PHLPP2: variants seen among roughly 807,000 people sequenced by gnomAD.
PHLPP2 encodes PH domain leucine-rich repeat-containing protein phosphatase 2.
In PHLPP2, 66 loss-of-function variants were observed where a neutral mutation model predicts 124.9. The observed-to-expected ratio is 0.53, with a 90% CI of 0.43 to 0.65. The LOEUF is 0.65. Among genes scored for constraint, PHLPP2 ranks in the 30% least tolerant of loss-of-function variants. PHLPP2 has a pLI of 0.00. For missense variants in PHLPP2, 1,685 were observed against 1,600.4 expected, an observed-to-expected ratio of 1.05 and a Z score of -0.90; for synonymous variants, 681 against 624.7, an observed-to-expected ratio of 1.09 and a Z score of -1.34.
At chr16:71,665,862 T>G (rs1456433695) in intron 12 of PHLPP2, among the ~76,000 whole-genome samples, 1 of 152,176 alleles carries the variant, frequency 6.6e-6, no homozygotes, top group African/African-American at 2.4e-5. Flanking sequence ...TTTAAATACG[T>G]TTTAGAATTT....
At chr16:71,658,200 C>G in intron 15 of PHLPP2, 33 bp downstream of exon 15, 1 of 1,599,824 alleles carries the variant, frequency 6.3e-7, no homozygotes, top group Non-Finnish European at 8.6e-7. Context: ...GGGCTAAGAG[C>G]ACATAGAGAT....
chr16:71,698,204 C>T (rs1457829668), intron 3 of PHLPP2, among the ~76,000 whole-genome samples: 8 of 152,148 alleles, frequency 5.3e-5, no homozygotes, highest in Non-Finnish European at 1.2e-4. Context: ...GAAGCCCTCA[C>T]AAGAGCAGGG....
intron 3 of PHLPP2, among the ~76,000 whole-genome samples, chr16:71,697,420 G>A (rs1353807418): frequency 1.3e-5 from 2 of 151,978 alleles, no homozygotes; most frequent in Non-Finnish European, 1.5e-5. Context: ...ACACCTAACC[G>A]CAAGAAAGGC....
chr16:71,645,129 G>A lies in PHLPP2; in HGVS notation c.*3761C>T, dbSNP rs1340199271. On this transcript the variant is annotated 3_prime_UTR_variant, in exon 19 of 19. Coordinates refer to ENST00000568954, the MANE Select transcript of PHLPP2 (RefSeq NM_015020.3). ...ATGATTGCACAAAACCGTAAGATAT[G>A]AGCCCACTGTCTGGATGACATCCAC... 9.8e-6 allele frequency: 2 copies of A among 203,956 alleles called. No homozygotes were observed. The highest frequency in any genetic ancestry group is 2.0e-5 in the Non-Finnish European group (2 of 99,866). The allele number at this position is 203,956 out of a possible 1,614,324, so 12.6% of individuals were successfully genotyped here. A position where few individuals can be genotyped will look rare whatever the true frequency, so the allele number is the denominator to read the frequency against.
At chr16:71,652,373 C>G (rs2044702922) in intron 18 of PHLPP2, among the ~76,000 whole-genome samples, 1 of 152,168 alleles carries the variant, frequency 6.6e-6, no homozygotes, top group South Asian at 2.1e-4. Flanking sequence ...CAAAAGAGAA[C>G]ACCAGAGCAT....
intron 2 of PHLPP2, among the ~76,000 whole-genome samples, chr16:71,712,198 T>A (rs949146377): frequency 2.0e-5 from 3 of 152,258 alleles, no homozygotes; most frequent in South Asian, 2.1e-4. Flanking sequence ...TCTACCATCA[T>A]CATCATCCTT....
At chr16:71,718,254 T>C (rs12446333) in intron 1 of PHLPP2, among the ~76,000 whole-genome samples, 14,447 of 152,178 alleles carry the variant, frequency 0.095, 960 homozygotes, top group Middle Eastern at 0.19. Context: ...TTACCTTAGA[T>C]TATAAATTCC....
chr16:71,663,390 C>T (rs1390714715), intron 13 of PHLPP2, among the ~76,000 whole-genome samples: 4 of 152,308 alleles, frequency 2.6e-5, no homozygotes, highest in African/African-American at 4.8e-5. Context: ...GGATTACAGG[C>T]GTGAGCCACC....
At position 71,649,354 on chromosome 16, in the gene PHLPP2, C is replaced by G. The variant is rs769106599; in HGVS notation, c.3508G>C (p.Asp1170His). 1 of 1,611,978 alleles carries G rather than the reference C, an allele frequency of 6.2e-7. No individual in the cohort carries two copies. Among genetic ancestry groups the G allele is most frequent in the Admixed American group, 1.7e-5 (1 of 60,016 alleles). Residue 1170 changes from aspartate to histidine, a missense_variant, in exon 19 of 19, where the codon GAC (aspartate) becomes CAC (histidine). By Grantham distance (81) the Asp-to-His change is moderately conservative (BLOSUM62 -1). Transcript: ENST00000568954. ...TNGSKVEVEV[D>H]IHCCRGRDLE... is the part of the protein sequence containing the mutation. ...TCCCTCCCCCTGCAGCAGTGGATGT[C>G]TACTTCCACCTCTACCTTGCTGCCA...
intron 3 of PHLPP2, among the ~76,000 whole-genome samples, chr16:71,698,021 G>C (rs2045191742): frequency 6.6e-6 from 1 of 151,956 alleles, no homozygotes; most frequent in South Asian, 2.1e-4. Flanking sequence ...CTAATTTTTT[G>C]TATTTTTAGT....
At chr16:71,675,316 T>C (rs2044936143) in intron 9 of PHLPP2, among the ~76,000 whole-genome samples, 1 of 152,214 alleles carries the variant, frequency 6.6e-6, no homozygotes, top group African/African-American at 2.4e-5. Flanking sequence ...ATTTAACCTA[T>C]TTTCCTTTCC....
At chr16:71,682,752 T>C (rs1333654036) in intron 5 of PHLPP2, among the ~76,000 whole-genome samples, 3 of 152,222 alleles carry the variant, frequency 2.0e-5, no homozygotes, top group African/African-American at 7.2e-5. Flanking sequence ...CCAGATTTTA[T>C]AGCCAACACA....
intron 12 of PHLPP2, 134 bp from the exon 13 acceptor site, chr16:71,664,233 C>T (rs2044819054): frequency 1.2e-5 from 8 of 655,580 alleles, no homozygotes; most frequent in Non-Finnish European, 1.8e-5. Context: ...AAAATCTCCA[C>T]GTAGTTTTTC....
chr16:71,679,313 T>C lies in PHLPP2; in HGVS notation c.1037+76A>G, dbSNP rs1442338925. The C allele has an allele frequency of 3.1e-6, 4 of 1,303,376 alleles. No homozygotes were observed. In the African/African-American group the frequency reaches 4.4e-5, roughly 14 times the overall value. The allele number at this position is 1,303,376 out of a possible 1,614,324, so 80.7% of individuals were successfully genotyped here. A position where few individuals can be genotyped will look rare whatever the true frequency, so the allele number is the denominator to read the frequency against. On this transcript the variant is annotated intron_variant, in intron 7 of 18. Coordinates refer to ENST00000568954, the MANE Select transcript of PHLPP2 (RefSeq NM_015020.3). Reference sequence around the variant, plus strand: ...TATAGTTCACTGCAAGAGTTCAAGATACTACCTTCATTCCAAACCCCAGGC... The same window carrying C: ...TATAGTTCACTGCAAGAGTTCAAGACACTACCTTCATTCCAAACCCCAGGC...
intron 6 of PHLPP2, among the ~76,000 whole-genome samples, chr16:71,680,576 A>C (rs1322141127): frequency 6.6e-6 from 1 of 152,206 alleles, no homozygotes; most frequent in Non-Finnish European, 1.5e-5. Flanking sequence ...TTTTTATGAG[A>C]GACTCTGGTA....
intron 2 of PHLPP2, among the ~76,000 whole-genome samples, chr16:71,708,325 G>A (rs1597016457): frequency 6.6e-6 from 1 of 152,170 alleles, no homozygotes; most frequent in African/African-American, 2.4e-5. Context: ...ATTACCTTGT[G>A]AAATTCCTTC....
chr16:71,720,307 G>C (rs1308901435), intron 1 of PHLPP2, among the ~76,000 whole-genome samples: 2 of 151,742 alleles, frequency 1.3e-5, no homozygotes, highest in Non-Finnish European at 2.9e-5. Flanking sequence ...TAGCAGAGAC[G>C]GGGTTTCACT....
rs922218459 is a variant in PHLPP2, at chr16:71,681,750, C to T, written c.890+1G>A. ...AGTCTGGAAACCCATTCTCCACATA[C>T]TTGTAGAGTGTATCGAGGCCTCCGG... On this transcript the variant is annotated splice_donor_variant, in intron 6 of 18. Transcript: ENST00000568954. LOFTEE classifies it high-confidence loss of function. The T allele has an allele frequency of 3.7e-6, 6 of 1,611,056 alleles. No individual in the cohort carries two copies. Among genetic ancestry groups the T allele is most frequent in the Non-Finnish European group, 5.1e-6 (6 of 1,178,496 alleles).
At chr16:71,667,150 C>G in intron 12 of PHLPP2, 28 bp downstream of exon 12, 2 of 1,595,658 alleles carry the variant, frequency 1.3e-6, no homozygotes, top group Non-Finnish European at 1.7e-6. Context: ...TGATTCTGCT[C>G]TTCCGAAAAA....
Sources: gnomAD v4.1 joint callset for allele counts (sites outside exome capture counted in the v4.1 genomes callset) on GRCh38, gnomAD v4.1.1 for gene constraint, MANE v1.5 for transcripts, NCBI Gene and HGNC (gene_info 2026-07-23, HGNC 2026-07-21) for gene names.